NSMCE4A: variants seen among roughly 807,000 people sequenced by gnomAD.
NSMCE4A encodes NSE4A component of SMC5/6 complex.
In NSMCE4A, 40 loss-of-function variants were observed where a neutral mutation model predicts 47.9. That is an observed-to-expected ratio of 0.83 (90% CI 0.65 to 1.09). NSMCE4A has a LOEUF of 1.09. Among genes scored for constraint, NSMCE4A ranks in the 50% least tolerant of loss-of-function variants. The probability of loss-of-function intolerance (pLI) is 0.00; values close to 1 mark genes in which losing one functional copy is unlikely to be tolerated. For missense variants in NSMCE4A, 500 were observed against 507.0 expected (o/e 0.99, Z 0.13); for synonymous variants, 166 against 178.5 (o/e 0.93, Z 0.56).
chr10:121,974,759 A>G, intron 1 of NSMCE4A, 115 bp downstream of exon 1: 12 of 1,168,860 alleles, frequency 1.0e-5, no homozygotes, highest in Non-Finnish European at 1.3e-5. Context: ...CGTCTCTACT[A>G]ACGCCGCGCC....
chr10:121,963,748 C>T (rs1952547494), intron 5 of NSMCE4A, among the ~76,000 whole-genome samples: 1 of 152,038 alleles, frequency 6.6e-6, no homozygotes, highest in Non-Finnish European at 1.5e-5. Context: ...GGTGTGGTGA[C>T]AGGCGCCTGT....
chr10:121,964,238 G>A (rs1278918926), intron 5 of NSMCE4A, among the ~76,000 whole-genome samples: 1 of 146,414 alleles, frequency 6.8e-6, no homozygotes, highest in Non-Finnish European at 1.5e-5. Context: ...CGCTTCCCAG[G>A]TTCAAGCAAT....
At chr10:121,966,606 A>G (rs1238816779) in intron 4 of NSMCE4A, 1 of 152,212 alleles carries the variant, frequency 6.6e-6, no homozygotes, top group Non-Finnish European at 1.5e-5. Context: ...CCACACTACT[A>G]CATTGGCATC....
At chr10:121,962,763 C>G (rs1279471599) in intron 6 of NSMCE4A, among the ~76,000 whole-genome samples, 1 of 152,034 alleles carries the variant, frequency 6.6e-6, no homozygotes, top group Non-Finnish European at 1.5e-5. Flanking sequence ...CAGGAATGCA[C>G]TACCACACCC....
chr10:121,963,435 T>A, intron 5 of NSMCE4A, 107 bp from the exon 6 acceptor site: 4 of 610,036 alleles, frequency 6.6e-6, no homozygotes, highest in Non-Finnish European at 1.1e-5. Flanking sequence ...ACACCCGAAC[T>A]CTTTTTTTTT....
In NSMCE4A at chr10:121,967,823, AAAC is replaced by A; in HGVS notation, c.502-20_502-18del. 6.3e-7 allele frequency: 1 copy of A among 1,597,164 alleles called. No individual in the cohort carries two copies. Among genetic ancestry groups the A allele is most frequent in the African/African-American group, 1.4e-5 (1 of 73,896 alleles). On this transcript the variant is annotated intron_variant, in intron 3 of 10. Coordinates refer to ENST00000369023, the MANE Select transcript of NSMCE4A (RefSeq NM_017615.3). ...ATGTGTGAGCTACAAAAATGAAGGA[AAAC>A]AAAAAACCCAGTTAAGCCACATGCA...
intron 6 of NSMCE4A, 87 bp downstream of exon 6, chr10:121,963,151 A>G (rs532288766): frequency 6.1e-6 from 4 of 655,636 alleles, no homozygotes; most frequent in Admixed American, 2.6e-5. Flanking sequence ...CAAATATTAC[A>G]TACAGCTGAA....
chr10:121,974,294 G>A, intron 1 of NSMCE4A: 1 of 1,379,970 alleles, frequency 7.2e-7, no homozygotes, highest in Non-Finnish European at 9.4e-7. Flanking sequence ...GGAAACCCTA[G>A]CTCCCTCTAA....
At position 121,974,942 on chromosome 10, in the gene NSMCE4A, GCCT is replaced by G; in HGVS notation, c.221_223del (p.Glu74del). On this transcript the variant is annotated inframe_deletion, in exon 1 of 11. Coordinates refer to ENST00000369023, the MANE Select transcript of NSMCE4A (RefSeq NM_017615.3). Reference sequence around the variant, plus strand: ...GCGGCACAGGCCTTGGTCGGCCTCCGCCTCCAAGCTGGCCGGGTCCATCATCTC... The same window carrying G: ...GCGGCACAGGCCTTGGTCGGCCTCCGCCAAGCTGGCCGGGTCCATCATCTC... 1.3e-6 allele frequency: 2 copies of G among 1,533,084 alleles called. No individual in the cohort carries two copies. The highest frequency in any genetic ancestry group is 1.8e-6 in the Non-Finnish European group (2 of 1,142,318). The allele number at this position is 1,533,084 out of a possible 1,614,324, so 95.0% of individuals were successfully genotyped here.
chr10:121,970,862 T>A, intron 3 of NSMCE4A, 77 bp downstream of exon 3: 5 of 1,260,028 alleles, frequency 4.0e-6, no homozygotes, highest in Non-Finnish European at 5.4e-6. Flanking sequence ...ATCATCTGCA[T>A]ATGGATATGA....
chr10:121,959,597 T>G lies in NSMCE4A; in HGVS notation c.989-2A>C. On this transcript the variant is annotated splice_acceptor_variant, in intron 8 of 10. Coordinates refer to ENST00000369023, the MANE Select transcript of NSMCE4A (RefSeq NM_017615.3). LOFTEE classifies it high-confidence loss of function. ...TTTCTTCATTAATACTAACAGGCTC[T>G]GTTTGAAAGACAAATTTTTCAAATT... 6.2e-7 allele frequency: 1 copy of G among 1,609,048 alleles called. No homozygotes were observed. The highest frequency in any genetic ancestry group is 8.5e-7 in the Non-Finnish European group (1 of 1,175,958).
chr10:121,961,622 G>T, intron 6 of NSMCE4A, 105 bp from the exon 7 acceptor site: 1 of 659,726 alleles, frequency 1.5e-6, no homozygotes, highest in Non-Finnish European at 2.4e-6. Flanking sequence ...CATTCCTGCT[G>T]CAGGAGTGCA....
chr10:121,957,349 C>G (rs1474921540), intron 10 of NSMCE4A, 90 bp from the exon 11 acceptor site: 2 of 152,228 alleles, frequency 1.3e-5, no homozygotes, highest in East Asian at 3.9e-4. Flanking sequence ...AACAATTAGC[C>G]CTCCTCAGTG....
At chr10:121,967,938 T>C (rs1300490876) in intron 3 of NSMCE4A, 132 bp from the exon 4 acceptor site, 5 of 832,624 alleles carry the variant, frequency 6.0e-6, no homozygotes, top group Non-Finnish European at 9.1e-6. Context: ...ACATGCTGGC[T>C]AAATTTCTTA....
chr10:121,961,865 G>A, intron 6 of NSMCE4A: 1 of 234,542 alleles, frequency 4.3e-6, no homozygotes, highest in Non-Finnish European at 8.4e-6. Context: ...CACTTTGGGA[G>A]GCCGATGCTG....
chr10:121,959,637 A>C (rs371736154), intron 8 of NSMCE4A, 42 bp from the exon 9 acceptor site: 1 of 1,359,406 alleles, frequency 7.4e-7, no homozygotes, highest in Non-Finnish European at 1.1e-6. Flanking sequence ...AAAGGTTATT[A>C]AATCGGAACA....
At chr10:121,957,836 A>G (rs929626618) in intron 10 of NSMCE4A, among the ~76,000 whole-genome samples, 2 of 152,184 alleles carry the variant, frequency 1.3e-5, no homozygotes, top group Non-Finnish European at 2.9e-5. Context: ...AGTTTATTTT[A>G]ATGCTCAAAA....
At chr10:121,964,133 G>A (rs1206111261) in intron 5 of NSMCE4A, among the ~76,000 whole-genome samples, 1 of 146,348 alleles carries the variant, frequency 6.8e-6, no homozygotes, top group Non-Finnish European at 1.5e-5. Flanking sequence ...AGATTTTCTG[G>A]TTTCAGTAAC....
rs746702789 is a variant in NSMCE4A at position 121,974,960 on chromosome 10, T to G, written c.206A>C (p.Asp69Ala). Residue 69 changes from aspartate to alanine, a missense_variant, in exon 1 of 11, where the codon GAC (aspartate) becomes GCC (alanine). Transcript: ENST00000369023. ...EPSDSGDEMM[D>A]PASLEAEADQ... ...GGCCTCCGCCTCCAAGCTGGCCGGG[T>G]CCATCATCTCGTCCCCGGAATCCGA... is the stretch of plus-strand genomic sequence containing the variant. 3.2e-5 allele frequency: 49 copies of G among 1,529,302 alleles called. No individual in the cohort carries two copies. The African/African-American group carries it at 6.3e-4, about 20-fold the overall frequency. The allele number at this position is 1,529,302 out of a possible 1,614,324, so 94.7% of individuals were successfully genotyped here. A position where few individuals can be genotyped will look rare whatever the true frequency, so the allele number is the denominator to read the frequency against.
Sources: allele counts gnomAD v4.1 joint callset (sites outside exome capture counted in the v4.1 genomes callset), GRCh38; gene constraint gnomAD v4.1.1; transcripts MANE v1.5; gene names NCBI Gene and HGNC (gene_info 2026-07-23, HGNC 2026-07-21).